The following MICAL3 variants were observed in gnomAD, a reference collection of about 807,000 sequenced individuals.
MICAL3 encodes the protein [F-actin]-monooxygenase MICAL3.
Under a neutral mutation model 207.4 loss-of-function variants are expected in MICAL3, and 62 were observed. The observed-to-expected ratio is 0.30, with a 90% CI of 0.24 to 0.37. The LOEUF (loss-of-function observed/expected upper bound fraction) is 0.37, where lower values mean the gene tolerates loss of function less well. Among genes scored for constraint, MICAL3 ranks in the 10% least tolerant of loss-of-function variants. The pLI, the probability that MICAL3 is intolerant of heterozygous loss-of-function variation, is 1.00. For missense variants in MICAL3, 2,368 were observed against 2,635.6 expected (o/e 0.90, Z 2.22); for synonymous variants, 1,077 against 1,069.3 (o/e 1.01, Z -0.14).
chr22:17,997,584 A>G (rs536368133), intron 1 of MICAL3, among the ~76,000 whole-genome samples: 90 of 152,278 alleles, frequency 5.9e-4, no homozygotes, highest in African/African-American at 2.1e-3. Context: ...CAGGGCTCTC[A>G]GGCCTGCCCA....
At chr22:18,000,271 C>A (rs764589120) in intron 1 of MICAL3, among the ~76,000 whole-genome samples, 1 of 151,840 alleles carries the variant, frequency 6.6e-6, no homozygotes, top group Non-Finnish European at 1.5e-5. Context: ...AAGCTGTCCA[C>A]CTGTCCACAG....
At chr22:17,825,889 A>G (rs1244611155) in intron 22 of MICAL3, among the ~76,000 whole-genome samples, 2 of 152,208 alleles carry the variant, frequency 1.3e-5, no homozygotes, top group African/African-American at 4.8e-5. Context: ...CAGGCTGCTC[A>G]ACGATCTCTT....
intron 16 of MICAL3, among the ~76,000 whole-genome samples, chr22:17,885,396 G>C (rs1024282182): frequency 6.6e-6 from 1 of 151,944 alleles, no homozygotes; most frequent in Non-Finnish European, 1.5e-5. Flanking sequence ...ACGGTTAAAT[G>C]AAAAAAGGAG....
At chr22:17,894,468 C>G (rs536578723) in intron 10 of MICAL3, among the ~76,000 whole-genome samples, 1 of 150,936 alleles carries the variant, frequency 6.6e-6, no homozygotes, top group South Asian at 2.1e-4. Context: ...CTCTAAGAGT[C>G]TCGGTTGGAC....
At chr22:17,916,089 G>A (rs5747410) in intron 1 of MICAL3, among the ~76,000 whole-genome samples, 113,453 of 141,942 alleles carry the variant, frequency 0.8, 45,359 homozygotes, top group Non-Finnish European at 0.85. Context: ...AACCCAAAAA[G>A]CAACAAAAAA....
At chr22:17,987,802 T>C (rs934987198) in intron 1 of MICAL3, among the ~76,000 whole-genome samples, 28 of 140,620 alleles carry the variant, frequency 2.0e-4, no homozygotes, top group Admixed American at 6.8e-4. Flanking sequence ...CAAATTGGTC[T>C]GAAAAAAATG....
At position 17,831,932 on chromosome 22, in the gene MICAL3, C is replaced by T; in HGVS notation, c.2977G>A (p.Glu993Lys). The T allele has an allele frequency of 6.4e-7, 1 of 1,572,090 alleles. No individual in the cohort carries two copies. The highest frequency in any genetic ancestry group is 8.6e-7 in the Non-Finnish European group (1 of 1,158,418). ...TATTCTTCCTCCTCCTCCTCCTCCT[C>T]TTCATTCCCAGGCCCAAAGCTCTTT... ...ASKSFGPGNEEEEEEEEEYEE... is the reference protein window; with the variant it reads ...ASKSFGPGNEKEEEEEEEYEE... Residue 993 changes from glutamate (E) to lysine (K), a missense_variant, in exon 21 of 32, where the codon GAG (glutamate) becomes AAG (lysine). Coordinates refer to ENST00000441493, the MANE Select transcript of MICAL3 (RefSeq NM_015241.3).
At chr22:17,964,868 G>C (rs1001049760) in intron 1 of MICAL3, among the ~76,000 whole-genome samples, 10 of 152,344 alleles carry the variant, frequency 6.6e-5, no homozygotes, top group Admixed American at 6.5e-4. Flanking sequence ...AGGAGGGCTG[G>C]GGGTTTTCAG....
chr22:17,987,980 C>G (rs1344875255), intron 1 of MICAL3, among the ~76,000 whole-genome samples: 3 of 152,194 alleles, frequency 2.0e-5, no homozygotes, highest in African/African-American at 7.2e-5. Context: ...GCTCCACAAA[C>G]AGGCGGGCAG....
chr22:17,823,106 C>T, intron 22 of MICAL3, 46 bp from the exon 23 acceptor site: 8 of 1,305,266 alleles, frequency 6.1e-6, no homozygotes, highest in South Asian at 1.2e-5. Context: ...GGAGGACAGA[C>T]AGACAGGCTG....
At chr22:17,791,159 G>C in intron 30 of MICAL3, 43 bp downstream of exon 30, 1 of 1,607,912 alleles carries the variant, frequency 6.2e-7, no homozygotes, top group South Asian at 1.1e-5. Context: ...CATGCCGGCT[G>C]TGACAAGCAT....
intron 16 of MICAL3, chr22:17,881,416 T>A: frequency 1.3e-6 from 1 of 797,784 alleles, no homozygotes; most frequent in Non-Finnish European, 2.0e-6. Flanking sequence ...GGGAGGCCTT[T>A]CCTTGCCCCT....
chr22:17,898,224 C>T (rs1430361832), intron 7 of MICAL3, among the ~76,000 whole-genome samples: 1 of 152,192 alleles, frequency 6.6e-6, no homozygotes, highest in East Asian at 1.9e-4. Flanking sequence ...AAATCTTCAC[C>T]TTGTCCCAAG....
chr22:17,912,365 CTG>C (rs1932199731), intron 1 of MICAL3, among the ~76,000 whole-genome samples: 1 of 135,740 alleles, frequency 7.4e-6, no homozygotes. Context: ...TTTTCTATTT[CTG>C]TAAAAAAAAA....
chr22:17,848,424 G>A (rs1924871484), intron 19 of MICAL3, among the ~76,000 whole-genome samples: 1 of 152,184 alleles, frequency 6.6e-6, no homozygotes, highest in African/African-American at 2.4e-5. Flanking sequence ...ACCATGTCTG[G>A]CCCAGACATT....
chr22:17,875,980 T>C (rs1036262376), intron 16 of MICAL3, among the ~76,000 whole-genome samples: 4 of 152,206 alleles, frequency 2.6e-5, no homozygotes, highest in East Asian at 1.9e-4. Context: ...TATCACTCCA[T>C]TGGCCTTAGA....
intron 2 of MICAL3, among the ~76,000 whole-genome samples, chr22:17,905,892 G>A (rs1931677454): frequency 6.6e-6 from 1 of 152,146 alleles, no homozygotes; most frequent in Non-Finnish European, 1.5e-5. Flanking sequence ...GAAATACTTT[G>A]GTTCACAAAG....
intron 17 of MICAL3, among the ~76,000 whole-genome samples, chr22:17,868,284 A>G (rs1569103998): frequency 6.6e-6 from 1 of 152,106 alleles, no homozygotes; most frequent in Non-Finnish European, 1.5e-5. Flanking sequence ...ATCCTTTCCC[A>G]AACTCAACAC....
chr22:17,843,189 T>C (rs888496089), intron 19 of MICAL3, among the ~76,000 whole-genome samples: 2 of 151,894 alleles, frequency 1.3e-5, no homozygotes, highest in African/African-American at 4.8e-5. Context: ...AAGAAGCACT[T>C]TTCCCATTTT....
Sources: allele counts gnomAD v4.1 joint callset (sites outside exome capture counted in the v4.1 genomes callset), GRCh38; gene constraint gnomAD v4.1.1; transcripts MANE v1.5; gene names NCBI Gene and HGNC (gene_info 2026-07-23, HGNC 2026-07-21).